CLPB: variants seen among roughly 807,000 people sequenced by gnomAD.
The protein encoded by CLPB is mitochondrial disaggregase.
A neutral mutation model predicts 78.4 loss-of-function variants in CLPB; 40 were observed. The ratio of observed to expected loss-of-function variants is 0.51; its 90% CI spans 0.40 to 0.66. The LOEUF (loss-of-function observed/expected upper bound fraction) is 0.66, where lower values mean the gene tolerates loss of function less well. Among genes scored for constraint, CLPB ranks in the 30% least tolerant of loss-of-function variants. The pLI is 0.00. For synonymous variants in CLPB, 333 were observed against 348.0 expected, an observed-to-expected ratio of 0.96 and a Z score of 0.48; for missense variants, 780 against 886.9, an observed-to-expected ratio of 0.88 and a Z score of 1.53.
At chr11:72,384,268 T>C (rs1313539646) in intron 3 of CLPB, among the ~76,000 whole-genome samples, 2 of 152,240 alleles carry the variant, frequency 1.3e-5, no homozygotes, top group Admixed American at 6.5e-5. Flanking sequence ...ATCTTTAGTA[T>C]TAAGGTCAAA....
chr11:72,433,966 T>G, intron 1 of CLPB, 106 bp downstream of exon 1: 1 of 1,383,790 alleles, frequency 7.2e-7, no homozygotes, highest in Non-Finnish European at 9.9e-7. Flanking sequence ...CTCCAAGACT[T>G]AGGCTCTAAG....
intron 2 of CLPB, among the ~76,000 whole-genome samples, chr11:72,429,295 C>G (rs972693639): frequency 6.6e-6 from 1 of 152,198 alleles, no homozygotes; most frequent in Non-Finnish European, 1.5e-5. Context: ...AAAACTAAGG[C>G]TTGAACATTA....
At chr11:72,364,172 G>A (rs1365911845) in intron 4 of CLPB, among the ~76,000 whole-genome samples, 1 of 152,128 alleles carries the variant, frequency 6.6e-6, no homozygotes, top group Non-Finnish European at 1.5e-5. Context: ...GCTTCAGCAT[G>A]AAGTGTATTC....
chr11:72,340,925 A>T (rs977906812), intron 5 of CLPB, among the ~76,000 whole-genome samples: 1 of 152,148 alleles, frequency 6.6e-6, no homozygotes, highest in Admixed American at 6.5e-5. Flanking sequence ...ATCTCGGCTC[A>T]CTGCAAGCTC....
At chr11:72,407,804 G>A (rs1259339329) in intron 2 of CLPB, among the ~76,000 whole-genome samples, 1 of 152,060 alleles carries the variant, frequency 6.6e-6, no homozygotes, top group African/African-American at 2.4e-5. Context: ...CTGCCACCAC[G>A]CCCAGCTAAT....
intron 5 of CLPB, among the ~76,000 whole-genome samples, chr11:72,348,689 C>T (rs1165891329): frequency 6.6e-6 from 1 of 152,228 alleles, no homozygotes; most frequent in Non-Finnish European, 1.5e-5. Flanking sequence ...CTGTTATCTA[C>T]TGTCCTGCAC....
At position 72,300,881 on chromosome 11, in the gene CLPB, G is replaced by A. The variant is rs541092152; in HGVS notation, c.1329+922C>T. On this transcript the variant is annotated intron_variant, in intron 11 of 15. Coordinates refer to ENST00000538039, the MANE Select transcript of CLPB (RefSeq NM_001258392.3). ...GATGGAGCAGGGCCCCTGAAAAGGT[G>A]GAAGTCATCTTCTTCCGTGATCGTA... Among the ~76,000 whole-genome samples the A allele has an allele frequency of 4.1e-4, 63 of 152,288 alleles. 2 individuals are homozygous for A. The South Asian group carries it at 0.013, about 32-fold the overall frequency.
chr11:72,346,988 T>TAAA (rs60688188), intron 5 of CLPB, among the ~76,000 whole-genome samples: 2,164 of 60,094 alleles, frequency 0.036, 75 homozygotes, highest in African/African-American at 0.11. Context: ...TCTCAAAAAT[T>TAAA]AAAAAAAAAA....
At chr11:72,420,145 C>T (rs907322126) in intron 2 of CLPB, among the ~76,000 whole-genome samples, 2 of 152,130 alleles carry the variant, frequency 1.3e-5, no homozygotes, top group African/African-American at 4.8e-5. Context: ...GAGTTCAAGA[C>T]CAGCCTGTGC....
chr11:72,319,141 G>A (rs1950001495), intron 6 of CLPB, among the ~76,000 whole-genome samples: 1 of 152,180 alleles, frequency 6.6e-6, no homozygotes, highest in African/African-American at 2.4e-5. Context: ...TACTACAAAG[G>A]TCTTCTCTCT....
chr11:72,325,410 T>C (rs1950115562), intron 6 of CLPB, among the ~76,000 whole-genome samples: 1 of 152,024 alleles, frequency 6.6e-6, no homozygotes, highest in African/African-American at 2.4e-5. Flanking sequence ...AGTGCCTGCC[T>C]CTCCCCCAGC....
intron 4 of CLPB, among the ~76,000 whole-genome samples, chr11:72,372,059 G>C (rs1021737367): frequency 1.3e-5 from 2 of 152,202 alleles, no homozygotes; most frequent in Non-Finnish European, 2.9e-5. Flanking sequence ...ATAAGCCTAT[G>C]GTGTAGGAAA....
intron 11 of CLPB, 28 bp downstream of exon 11, chr11:72,301,775 C>G (rs373976306): frequency 7.8e-5 from 126 of 1,606,434 alleles, no homozygotes; most frequent in Non-Finnish European, 1.0e-4. Flanking sequence ...GGTGTCCCCC[C>G]GCTCCATCCT....
chr11:72,298,201 C>T (rs1949591046), intron 11 of CLPB, among the ~76,000 whole-genome samples: 1 of 152,092 alleles, frequency 6.6e-6, no homozygotes, highest in Non-Finnish European at 1.5e-5. Flanking sequence ...CTGCTTGGTG[C>T]TTTGATGAGA....
Position 72,292,065 on chromosome 11 carries a change from A to AAAGAG in CLPB, c.*1301_*1302insCTCTT, listed in dbSNP as rs1207598974. 4 of 147,902 alleles carry AAAGAG rather than the reference A, an allele frequency of 2.7e-5. No homozygotes were observed. Among genetic ancestry groups the AAAGAG allele is most frequent in the African/African-American group, 1.0e-4 (4 of 38,354 alleles). 9.2% of individuals were successfully genotyped at this position (147,902 alleles called of 1,614,324 possible). On this transcript the variant is annotated 3_prime_UTR_variant, in exon 16 of 16. Coordinates refer to ENST00000538039, the MANE Select transcript of CLPB (RefSeq NM_001258392.3). ...CTCAAAAAAAAAAAAAAAAAAAAAA[A>AAAGAG]GGCAGTCAGTGAGGTAGGGAGCAGC... is the stretch of plus-strand genomic sequence containing the variant.
intron 4 of CLPB, among the ~76,000 whole-genome samples, chr11:72,371,885 T>C (rs1239627445): frequency 6.6e-6 from 1 of 152,226 alleles, no homozygotes; most frequent in Non-Finnish European, 1.5e-5. Flanking sequence ...GCTCTGATAG[T>C]CCTTGTTATC....
chr11:72,379,117 G>A (rs896167605), intron 4 of CLPB, among the ~76,000 whole-genome samples: 1 of 152,168 alleles, frequency 6.6e-6, no homozygotes, highest in Admixed American at 6.5e-5. Flanking sequence ...TCTCCCCGGG[G>A]CAGCAACAAC....
At chr11:72,315,406 G>C (rs1399243373) in intron 7 of CLPB, among the ~76,000 whole-genome samples, 3 of 152,212 alleles carry the variant, frequency 2.0e-5, no homozygotes, top group African/African-American at 7.2e-5. Context: ...TGGAAGGAGA[G>C]CCTCACTTTC....
chr11:72,408,297 A>C, intron 2 of CLPB: 1 of 901,128 alleles, frequency 1.1e-6, no homozygotes, highest in Non-Finnish European at 1.7e-6. Context: ...GAAATGGAAG[A>C]TATTAATCCC....
Sources: allele counts gnomAD v4.1 joint callset (sites outside exome capture counted in the v4.1 genomes callset), GRCh38; gene constraint gnomAD v4.1.1; transcripts MANE v1.5; gene names NCBI Gene and HGNC (gene_info 2026-07-23, HGNC 2026-07-21).